AKAP19: variants seen among roughly 807,000 people sequenced by gnomAD.
AKAP19 encodes the protein A-kinase anchoring protein 19.
At chr2:190,144,958 A>G in the AKAP19 span, among the ~76,000 whole-genome samples, 5 of 151,228 alleles carry the variant, frequency 3.3e-5, no homozygotes, top group Non-Finnish European at 7.4e-5. Context: ...CTCCTGGACA[A>G]CAAGAGTGAA....
the AKAP19 span, among the ~76,000 whole-genome samples, chr2:190,189,509 C>A: frequency 3.9e-5 from 6 of 152,120 alleles, no homozygotes; most frequent in Non-Finnish European, 7.4e-5. Context: ...TGTTTTCTAT[C>A]CTTAATAGAT....
the AKAP19 span, among the ~76,000 whole-genome samples, chr2:190,015,755 C>G: frequency 6.6e-6 from 1 of 152,208 alleles, no homozygotes; most frequent in African/African-American, 2.4e-5. Context: ...TTTGTGAATG[C>G]ATAAGACTTA....
chr2:190,128,634 A>G, the AKAP19 span, among the ~76,000 whole-genome samples: 1 of 152,222 alleles, frequency 6.6e-6, no homozygotes, highest in South Asian at 2.1e-4. Context: ...TGCTTAATAA[A>G]TATATTGCTT....
the AKAP19 span, among the ~76,000 whole-genome samples, chr2:190,129,137 G>A: frequency 5.3e-5 from 8 of 152,272 alleles, no homozygotes; most frequent in South Asian, 4.1e-4. Context: ...ATCAGTACAT[G>A]TATATCTGCC....
At chr2:190,004,624 C>T in the AKAP19 span, among the ~76,000 whole-genome samples, 1,771 of 151,308 alleles carry the variant, frequency 0.012, 32 homozygotes, top group African/African-American at 0.041. Context: ...ACACCTCTGA[C>T]CTCAAATCTC....
chr2:190,098,990 T>C, the AKAP19 span, among the ~76,000 whole-genome samples: 1 of 152,228 alleles, frequency 6.6e-6, no homozygotes, highest in Non-Finnish European at 1.5e-5. Context: ...GAGTTTGTGT[T>C]TTGCTCTTGA....
At chr2:190,099,511 A>G in the AKAP19 span, among the ~76,000 whole-genome samples, 315 of 152,328 alleles carry the variant, frequency 2.1e-3, 1 homozygote, top group Non-Finnish European at 3.6e-3. Flanking sequence ...TCAAAAAATC[A>G]CTGATCATAG....
At chr2:190,024,547 G>A in the AKAP19 span, among the ~76,000 whole-genome samples, 17 of 151,934 alleles carry the variant, frequency 1.1e-4, no homozygotes, top group Admixed American at 5.9e-4. Flanking sequence ...GGATATCTAG[G>A]CTGCATGTCC....
the AKAP19 span, among the ~76,000 whole-genome samples, chr2:189,895,762 A>G: frequency 0.011 from 1,719 of 152,284 alleles, 30 homozygotes; most frequent in African/African-American, 0.039. Context: ...TAACACAATC[A>G]GAACTATATA....
the AKAP19 span, among the ~76,000 whole-genome samples, chr2:190,174,824 T>G: frequency 1.3e-5 from 2 of 152,218 alleles, no homozygotes; most frequent in Admixed American, 1.3e-4. Flanking sequence ...TCAAAATAAA[T>G]GCAGGTGAAG....
At chr2:189,951,926 G>A in the AKAP19 span, among the ~76,000 whole-genome samples, 3 of 152,146 alleles carry the variant, frequency 2.0e-5, no homozygotes, top group Admixed American at 6.5e-5. Flanking sequence ...TCCTGAACCA[G>A]GAATAGAAGA....
chr2:190,180,511 C>T, the AKAP19 span: 4 of 985,558 alleles, frequency 4.1e-6, no homozygotes, highest in African/African-American at 7.0e-5. The surrounding 1 kb of genome is among the most constrained non-coding windows in gnomAD (Gnocchi z 6.8). Flanking sequence ...GCCTCGCTGG[C>T]TTCTGCTTTC....
At chr2:190,186,485 T>G in the AKAP19 span, among the ~76,000 whole-genome samples, 748 of 152,334 alleles carry the variant, frequency 4.9e-3, 3 homozygotes, top group Admixed American at 8.8e-3. The surrounding 1 kb of genome is among the most constrained non-coding windows in gnomAD (Gnocchi z 5.5). Flanking sequence ...TGCCTAAGGA[T>G]GAAACCGACT....
the AKAP19 span, among the ~76,000 whole-genome samples, chr2:190,170,054 A>G: frequency 0.14 from 21,578 of 152,216 alleles, 1,830 homozygotes; most frequent in Middle Eastern, 0.23. Context: ...GGGCTTTAAC[A>G]ATGGAAACTT....
chr2:190,070,618 C>CA, the AKAP19 span, among the ~76,000 whole-genome samples: 3 of 138,056 alleles, frequency 2.2e-5, no homozygotes, highest in African/African-American at 8.0e-5. Flanking sequence ...TCTCTCTCCC[C>CA]CCCCCCTTTT....
chr2:190,122,694 T>G, the AKAP19 span, among the ~76,000 whole-genome samples: 1 of 152,222 alleles, frequency 6.6e-6, no homozygotes, highest in East Asian at 1.9e-4. Context: ...TTACAAATGC[T>G]TATTAGAAAC....
the AKAP19 span, among the ~76,000 whole-genome samples, chr2:190,007,790 T>C: frequency 8.4e-4 from 128 of 151,998 alleles, 4 homozygotes; most frequent in South Asian, 0.026. Context: ...GTGAAACCCT[T>C]TCTCTACTAA....
the AKAP19 span, chr2:189,924,199 G>A: frequency 2.0e-6 from 3 of 1,496,324 alleles, no homozygotes; most frequent in Admixed American, 1.7e-5. Context: ...CAGCGCCAAT[G>A]GCGAGGATGA....
At chr2:189,997,471 G>A in the AKAP19 span, among the ~76,000 whole-genome samples, 2 of 152,138 alleles carry the variant, frequency 1.3e-5, no homozygotes, top group Admixed American at 1.3e-4. Context: ...CCATTGTGAG[G>A]GATGGGGTGT....
Sources: gnomAD v4.1 joint callset for allele counts (sites outside exome capture counted in the v4.1 genomes callset) on GRCh38, gnomAD v4.1.1 for gene constraint, Gnocchi (gnomAD v3.1) non-coding constraint, MANE v1.5 for transcripts, NCBI Gene and HGNC (gene_info 2026-07-23, HGNC 2026-07-21) for gene names.